The following NRP1 variants were observed in gnomAD, a reference collection of about 807,000 sequenced individuals.
NRP1 encodes neuropilin-1.
NRP1 carries 35 observed loss-of-function variants against 106.7 expected under a neutral mutation model. That is an observed-to-expected ratio of 0.33 (90% CI 0.25 to 0.43). NRP1 has a LOEUF of 0.43. Ranked by LOEUF, NRP1 falls within the 20% of genes least tolerant of loss-of-function variation. The pLI, the probability that NRP1 is intolerant of heterozygous loss-of-function variation, is 1.00. For missense variants in NRP1, 1,024 were observed against 1,170.4 expected, an observed-to-expected ratio of 0.87 and a Z score of 1.83; for synonymous variants, 437 against 417.9, an observed-to-expected ratio of 1.05 and a Z score of -0.56.
Position 33,202,558 on chromosome 10 carries a change from A to G in NRP1, c.1864+333T>C, listed in dbSNP as rs930747497. ...GTGTGTGGTTACGTAGGGGTGGTGC[A>G]CGTGTTATTGGGGGGGGGTCTGAAA... On this transcript the variant is annotated intron_variant, in intron 11 of 16. Coordinates refer to ENST00000374867, the MANE Select transcript of NRP1 (RefSeq NM_003873.7). The G allele has an allele frequency of 3.7e-6, 5 of 1,355,820 alleles. No homozygotes were observed. The African/African-American group carries it at 6.8e-5, about 18-fold the overall frequency. 84.0% of individuals were successfully genotyped at this position (1,355,820 alleles called of 1,614,324 possible).
intron 6 of NRP1, among the ~76,000 whole-genome samples, chr10:33,231,449 T>C (rs1840120205): frequency 6.6e-6 from 1 of 152,242 alleles, no homozygotes; most frequent in Non-Finnish European, 1.5e-5. Context: ...TATGCATGTT[T>C]TTACTTTGAA....
intron 2 of NRP1, among the ~76,000 whole-genome samples, chr10:33,292,989 A>AC (rs1845112090): frequency 6.6e-6 from 1 of 151,790 alleles, no homozygotes; most frequent in South Asian, 2.1e-4. Context: ...CCATCTCAAA[A>AC]AAAAAAAAAG....
chr10:33,197,588 G>A (rs377610285), intron 12 of NRP1, 62 bp downstream of exon 12: 33 of 1,327,404 alleles, frequency 2.5e-5, no homozygotes, highest in Non-Finnish European at 3.2e-5. Flanking sequence ...AAAGCGAGGA[G>A]CGCAGCCGCG....
chr10:33,330,038 T>A (rs1848165257), intron 2 of NRP1, among the ~76,000 whole-genome samples: 1 of 152,224 alleles, frequency 6.6e-6, no homozygotes, highest in Non-Finnish European at 1.5e-5. Flanking sequence ...ATAGCAAGAC[T>A]AAGCAGGTGG....
intron 9 of NRP1, among the ~76,000 whole-genome samples, chr10:33,208,169 G>T (rs1837969009): frequency 6.6e-6 from 1 of 151,980 alleles, no homozygotes. Flanking sequence ...CAAGTGATCT[G>T]CTTGCCTCTG....
At chr10:33,200,592 G>A (rs113454112) in intron 11 of NRP1, among the ~76,000 whole-genome samples, 20 of 152,290 alleles carry the variant, frequency 1.3e-4, no homozygotes, top group African/African-American at 4.6e-4. Context: ...ACCTATTAGG[G>A]TTAAAGCAAT....
intron 15 of NRP1, among the ~76,000 whole-genome samples, chr10:33,183,284 T>G (rs1398249481): frequency 6.7e-6 from 1 of 148,926 alleles, no homozygotes; most frequent in Non-Finnish European, 1.5e-5. Flanking sequence ...CCACCCTGGG[T>G]GACGGAAGCA....
At chr10:33,181,527 A>G (rs1835684886) in intron 16 of NRP1, among the ~76,000 whole-genome samples, 1 of 152,226 alleles carries the variant, frequency 6.6e-6, no homozygotes, top group South Asian at 2.1e-4. Context: ...TCCACACAGC[A>G]GCTGTGAGTG....
intron 12 of NRP1, among the ~76,000 whole-genome samples, chr10:33,196,070 C>T (rs1345717744): frequency 6.6e-6 from 1 of 152,108 alleles, no homozygotes; most frequent in Non-Finnish European, 1.5e-5. Flanking sequence ...CAAAACCGCT[C>T]CTGCTCTGAC....
chr10:33,217,042 A>C (rs1838836671), intron 8 of NRP1, among the ~76,000 whole-genome samples: 1 of 152,202 alleles, frequency 6.6e-6, no homozygotes, highest in Non-Finnish European at 1.5e-5. Flanking sequence ...ATTTACAAAA[A>C]CAATTTTACT....
At position 33,305,862 on chromosome 10, in the gene NRP1, G is replaced by A. The variant is rs182619079; in HGVS notation, c.248+24846C>T. ...CAGCTCACTGCAACTTCCGCCTCCT[G>A]GGTTCAAGAGATTCTTCTGCCTCAG... On this transcript the variant is annotated intron_variant, in intron 2 of 16. Coordinates refer to ENST00000374867, the MANE Select transcript of NRP1 (RefSeq NM_003873.7). 5.3e-5 allele frequency among the ~76,000 whole-genome samples: 8 copies of A among 152,042 alleles called. No homozygotes were observed. The East Asian group carries it at 1.5e-3, about 29-fold the overall frequency.
At chr10:33,316,116 A>G (rs951340686) in intron 2 of NRP1, among the ~76,000 whole-genome samples, 2 of 152,182 alleles carry the variant, frequency 1.3e-5, no homozygotes, top group African/African-American at 4.8e-5. Context: ...GGGAACTCTA[A>G]ATGCTTCTGA....
chr10:33,268,036 T>C (rs186460974), intron 3 of NRP1, among the ~76,000 whole-genome samples: 4 of 152,302 alleles, frequency 2.6e-5, no homozygotes. Flanking sequence ...AACTTGAAAT[T>C]GCTGCATCCT....
At chr10:33,329,016 C>T (rs1219711743) in intron 2 of NRP1, among the ~76,000 whole-genome samples, 3 of 151,918 alleles carry the variant, frequency 2.0e-5, no homozygotes, top group Non-Finnish European at 4.4e-5. Context: ...TAAACATGGT[C>T]AAAAAGCAAA....
chr10:33,260,411 C>G (rs979856434), intron 4 of NRP1, among the ~76,000 whole-genome samples: 1 of 152,064 alleles, frequency 6.6e-6, no homozygotes, highest in Non-Finnish European at 1.5e-5. Context: ...ACAAGCAGAA[C>G]TCAATCTAGC....
intron 2 of NRP1, among the ~76,000 whole-genome samples, chr10:33,312,649 A>G (rs1008191860): frequency 2.6e-5 from 4 of 152,358 alleles, no homozygotes; most frequent in African/African-American, 9.6e-5. Context: ...CAATTTCAGA[A>G]AATTATTTTT....
intron 2 of NRP1, among the ~76,000 whole-genome samples, chr10:33,302,949 G>A (rs1452203355): frequency 1.3e-5 from 2 of 152,176 alleles, no homozygotes; most frequent in African/African-American, 4.8e-5. Flanking sequence ...GCTTAGGTCT[G>A]TTTTTAGGGT....
At chr10:33,185,759 T>C in intron 14 of NRP1, 35 bp from the exon 15 acceptor site, 2 of 1,538,004 alleles carry the variant, frequency 1.3e-6, no homozygotes, top group Non-Finnish European at 1.8e-6. Flanking sequence ...AGTATTGAAA[T>C]GCTCATCTCA....
At chr10:33,257,052 G>T (rs575805826) in intron 4 of NRP1, among the ~76,000 whole-genome samples, 11 of 152,282 alleles carry the variant, frequency 7.2e-5, no homozygotes, top group African/African-American at 2.6e-4. Context: ...AAGGACAATG[G>T]ATTATGTCCT....
Sources: allele counts gnomAD v4.1 joint callset (sites outside exome capture counted in the v4.1 genomes callset), GRCh38; gene constraint gnomAD v4.1.1; transcripts MANE v1.5; gene names NCBI Gene and HGNC (gene_info 2026-07-23, HGNC 2026-07-21).